The following MBD5 variants were observed in gnomAD, a reference collection of about 807,000 sequenced individuals.
MBD5 encodes the protein methyl-CpG-binding domain protein 5.
In MBD5, 13 loss-of-function variants were observed where a neutral mutation model predicts 117.3. The observed-to-expected ratio is 0.11, with a 90% CI of 0.07 to 0.18. The LOEUF is 0.18. MBD5 is among the 10% of genes least tolerant of loss of function. The pLI is 1.00. For synonymous variants in MBD5, 727 were observed against 766.4 expected (o/e 0.95, Z 0.85); for missense variants, 1,879 against 2,093.8 (o/e 0.90, Z 2.00).
At chr2:148,105,589 T>C (rs1034732816) in intron 1 of MBD5, among the ~76,000 whole-genome samples, 1 of 152,198 alleles carries the variant, frequency 6.6e-6, no homozygotes, top group Non-Finnish European at 1.5e-5. Flanking sequence ...TTACTGCTTT[T>C]TGTAAATCTC....
At chr2:148,427,824 G>T (rs181906912) in intron 4 of MBD5, among the ~76,000 whole-genome samples, 4 of 151,310 alleles carry the variant, frequency 2.6e-5, no homozygotes, top group East Asian at 1.9e-4. Flanking sequence ...GAAAAAAGAA[G>T]GAAATACCCA....
chr2:148,196,009 A>C (rs1252575815), intron 2 of MBD5, among the ~76,000 whole-genome samples: 1 of 152,188 alleles, frequency 6.6e-6, no homozygotes, highest in African/African-American at 2.4e-5. Flanking sequence ...AGCAGGTGGG[A>C]GATCTTGATG....
At chr2:148,033,437 T>G (rs1446307417) in intron 1 of MBD5, among the ~76,000 whole-genome samples, 1 of 152,282 alleles carries the variant, frequency 6.6e-6, no homozygotes, top group East Asian at 1.9e-4. Flanking sequence ...TTAATTCTTA[T>G]TTTTCTTTTA....
rs960391804 is a variant in MBD5, at chr2:148,514,059, T to C, written c.*1118T>C. On this transcript the variant is annotated 3_prime_UTR_variant, in exon 14 of 14. Transcript: ENST00000642680. ...TCATCAGTATTACTTAACCCAGAAG[T>C]TAAGGTGGCTTACGGAATTATTAGC... The C allele has an allele frequency of 6.6e-6, 1 of 152,206 alleles. No individual in the cohort carries two copies. The highest frequency in any genetic ancestry group is 1.5e-5 in the Non-Finnish European group (1 of 68,032). 9.4% of individuals were successfully genotyped at this position (152,206 alleles called of 1,614,324 possible).
intron 4 of MBD5, among the ~76,000 whole-genome samples, chr2:148,429,546 C>T (rs1386604434): frequency 1.3e-5 from 2 of 152,062 alleles, no homozygotes; most frequent in Non-Finnish European, 2.9e-5. Context: ...CACATGCACA[C>T]ATATGTTTAT....
intron 10 of MBD5, among the ~76,000 whole-genome samples, chr2:148,486,892 C>A (rs1200823929): frequency 1.3e-5 from 2 of 152,152 alleles, no homozygotes; most frequent in East Asian, 3.8e-4. Flanking sequence ...GATAGCATAT[C>A]AGATTTTTTA....
chr2:148,170,892 G>A (rs929156347), intron 1 of MBD5, among the ~76,000 whole-genome samples: 1 of 152,178 alleles, frequency 6.6e-6, no homozygotes, highest in African/African-American at 2.4e-5. Flanking sequence ...TTACCTAGAA[G>A]TGGATAAATG....
chr2:148,269,712 A>G (rs1700939849), intron 3 of MBD5, among the ~76,000 whole-genome samples: 1 of 145,444 alleles, frequency 6.9e-6, no homozygotes, highest in African/African-American at 2.5e-5. Context: ...GCATACAAGG[A>G]CTTTCAGTCT....
In MBD5 at chr2:148,217,430, A is replaced by T. The variant is rs1184904729; in HGVS notation, c.-830-15815A>T. On this transcript the variant is annotated intron_variant, in intron 2 of 13. Coordinates refer to ENST00000642680, the MANE Select transcript of MBD5 (RefSeq NM_001378120.1). ...GTATGGAGCAGTCTGCAGAGAGGCCAGCTCATCAGCTCTTCATGGAAGCAC... is the reference window on the plus strand; with the variant it reads ...GTATGGAGCAGTCTGCAGAGAGGCCTGCTCATCAGCTCTTCATGGAAGCAC... 2.0e-5 allele frequency among the ~76,000 whole-genome samples: 3 copies of T among 152,318 alleles called. No homozygotes were observed. In the East Asian group the frequency reaches 5.8e-4, roughly 29 times the overall value.
Position 148,496,650 on chromosome 2 carries a change from A to G in MBD5, c.4963-5786A>G, listed in dbSNP as rs918199887. On this transcript the variant is annotated intron_variant, in intron 11 of 13. Transcript: ENST00000642680. ...AAGTTTATCTGAAACATTTAATTCTATCTATGTGTTGTGGATTGATATGCA... is the reference window on the plus strand; with the variant it reads ...AAGTTTATCTGAAACATTTAATTCTGTCTATGTGTTGTGGATTGATATGCA... 3.9e-5 allele frequency among the ~76,000 whole-genome samples: 6 copies of G among 152,212 alleles called. No homozygotes were observed. In the East Asian group the frequency reaches 5.8e-4, roughly 15 times the overall value.
intron 2 of MBD5, among the ~76,000 whole-genome samples, chr2:148,224,483 C>T (rs902230030): frequency 9.4e-5 from 14 of 149,074 alleles, no homozygotes; most frequent in Admixed American, 3.4e-4. Flanking sequence ...GCTGGGACTA[C>T]GGGTGCACGT....
chr2:148,219,756 A>C (rs915944326), intron 2 of MBD5, among the ~76,000 whole-genome samples: 1 of 152,168 alleles, frequency 6.6e-6, no homozygotes, highest in African/African-American at 2.4e-5. Context: ...AAACTGGGGA[A>C]ATCACATTAC....
At chr2:148,099,661 G>C (rs1036315232) in intron 1 of MBD5, among the ~76,000 whole-genome samples, 5 of 152,146 alleles carry the variant, frequency 3.3e-5, no homozygotes, top group African/African-American at 1.2e-4. Context: ...ACCCAAATCA[G>C]AATGTTTTAC....
chr2:148,402,096 T>TAA (rs1305269984), intron 4 of MBD5, among the ~76,000 whole-genome samples: 2 of 152,128 alleles, frequency 1.3e-5, no homozygotes, highest in African/African-American at 4.8e-5. Flanking sequence ...ATTGCTTGGT[T>TAA]TAGAGGTTTA....
At chr2:148,496,606 T>C (rs527322281) in intron 11 of MBD5, among the ~76,000 whole-genome samples, 1 of 152,334 alleles carries the variant, frequency 6.6e-6, no homozygotes, top group African/African-American at 2.4e-5. Context: ...CTTTTAAACA[T>C]TGTTTCCTTA....
intron 1 of MBD5, among the ~76,000 whole-genome samples, chr2:148,169,037 G>T (rs184915141): frequency 2.0e-5 from 3 of 150,872 alleles, no homozygotes; most frequent in Non-Finnish European, 2.9e-5. Context: ...ATAACACTGC[G>T]CAGAGGAAGT....
chr2:148,154,539 C>A (rs77359416), intron 1 of MBD5, among the ~76,000 whole-genome samples: 5 of 152,212 alleles, frequency 3.3e-5, no homozygotes, highest in Non-Finnish European at 7.3e-5. Flanking sequence ...GCCTGGCTGC[C>A]GCCTTGCAAT....
intron 1 of MBD5, among the ~76,000 whole-genome samples, chr2:148,142,556 T>G (rs1382424591): frequency 6.6e-6 from 1 of 152,170 alleles, no homozygotes; most frequent in Non-Finnish European, 1.5e-5. Context: ...CCTTGGACTG[T>G]TTCTTGGGAA....
chr2:148,264,552 T>C (rs887347412), intron 3 of MBD5: 5 of 152,192 alleles, frequency 3.3e-5, no homozygotes, highest in Non-Finnish European at 5.9e-5. Flanking sequence ...TGCTAGGCAT[T>C]GTACCAATCA....
Sources: allele counts gnomAD v4.1 joint callset (sites outside exome capture counted in the v4.1 genomes callset), GRCh38; gene constraint gnomAD v4.1.1; transcripts MANE v1.5; gene names NCBI Gene and HGNC (gene_info 2026-07-23, HGNC 2026-07-21).